The following FYB2 variants were observed in gnomAD, a reference collection of about 807,000 sequenced individuals.
FYB2 encodes the protein FYN-binding protein 2.
Under a neutral mutation model 94.1 loss-of-function variants are expected in FYB2, and 103 were observed. The observed-to-expected ratio is 1.09, with a 90% CI of 0.93 to 1.29. The LOEUF is 1.29. Among genes scored for constraint, FYB2 ranks in the 50% most tolerant of loss-of-function variants. The pLI, the probability that FYB2 is intolerant of heterozygous loss-of-function variation, is 0.00. For missense variants in FYB2, 896 were observed against 841.5 expected (o/e 1.06, Z -0.80); for synonymous variants, 293 against 287.9 (o/e 1.02, Z -0.18).
In FYB2 at chr1:56,761,685, T is replaced by C. The variant is rs74338539; in HGVS notation, c.1064-2935A>G. Among the ~76,000 whole-genome samples, 15 of 152,292 alleles carry C rather than the reference T, an allele frequency of 9.8e-5. No individual in the cohort carries two copies. In the East Asian group the frequency reaches 2.3e-3, roughly 24 times the overall value. Reference sequence around the variant, plus strand: ...AAGGCACCAGTGCTGAGCTAAGCACTAAACAAGGATGGTCTTCCCTGTTTT... The same window carrying C: ...AAGGCACCAGTGCTGAGCTAAGCACCAAACAAGGATGGTCTTCCCTGTTTT... On this transcript the variant is annotated intron_variant, in intron 5 of 19. Transcript: ENST00000343433.
intron 15 of FYB2, among the ~76,000 whole-genome samples, chr1:56,736,190 T>G (rs1214702785): frequency 6.6e-6 from 1 of 152,066 alleles, no homozygotes; most frequent in Non-Finnish European, 1.5e-5. Context: ...AGTTCATATT[T>G]TAAGATATAG....
chr1:56,809,833 T>G (rs1557671273), intron 1 of FYB2, among the ~76,000 whole-genome samples: 1 of 152,220 alleles, frequency 6.6e-6, no homozygotes, highest in African/African-American at 2.4e-5. Context: ...GAATTCTGAC[T>G]CTTTCACCTT....
intron 15 of FYB2, among the ~76,000 whole-genome samples, chr1:56,730,976 A>G (rs1644695209): frequency 6.6e-6 from 1 of 152,122 alleles, no homozygotes; most frequent in Non-Finnish European, 1.5e-5. Context: ...AGAACATATT[A>G]GTGGGATATA....
At chr1:56,773,407 A>T (rs1645805737) in intron 4 of FYB2, among the ~76,000 whole-genome samples, 1 of 152,142 alleles carries the variant, frequency 6.6e-6, no homozygotes, top group African/African-American at 2.4e-5. Context: ...AATAGCTACC[A>T]TTTCTTGAGG....
At chr1:56,786,356 G>C (rs1476552320) in intron 4 of FYB2, among the ~76,000 whole-genome samples, 1 of 152,218 alleles carries the variant, frequency 6.6e-6, no homozygotes, top group Non-Finnish European at 1.5e-5. Context: ...CTCCCAAGAA[G>C]ATGTAACAAC....
chr1:56,763,962 T>A (rs1320266789), intron 5 of FYB2, among the ~76,000 whole-genome samples: 1 of 152,016 alleles, frequency 6.6e-6, no homozygotes, highest in Admixed American at 6.6e-5. Context: ...TATTTTTTTT[T>A]TTTTTTAGAT....
At chr1:56,760,036 G>A (rs1047456458) in intron 5 of FYB2, among the ~76,000 whole-genome samples, 9 of 143,554 alleles carry the variant, frequency 6.3e-5, no homozygotes, top group Non-Finnish European at 1.0e-4. Flanking sequence ...CCGAGATCGC[G>A]CTACTGTATT....
chr1:56,800,546 CTT>C (rs1330097385), intron 1 of FYB2, among the ~76,000 whole-genome samples: 1 of 152,136 alleles, frequency 6.6e-6, no homozygotes, highest in Admixed American at 6.5e-5. Flanking sequence ...CACATGAGTA[CTT>C]TTCACCTCCA....
chr1:56,822,000 G>A (rs76835155), upstream of FYB2, among the ~76,000 whole-genome samples: 4,820 of 152,230 alleles, frequency 0.032, 265 homozygotes, highest in African/African-American at 0.11. Flanking sequence ...CTATATCCAA[G>A]GTGCTTTGGT....
In FYB2 at chr1:56,772,810, C is replaced by T. The variant is rs117530149; in HGVS notation, c.954-4872G>A. Among the ~76,000 whole-genome samples the T allele has an allele frequency of 1.7e-4, 26 of 152,228 alleles. No individual in the cohort carries two copies. The East Asian group carries it at 4.2e-3, about 25-fold the overall frequency. ...TTATGGATATTGAATGAAATATTTG[C>T]CCTCTGCACATAGGCATTCCACAAA... is the stretch of plus-strand genomic sequence containing the variant. On this transcript the variant is annotated intron_variant, in intron 4 of 19. Transcript: ENST00000343433.
chr1:56,729,929 A>G (rs1644667625), intron 15 of FYB2, among the ~76,000 whole-genome samples: 1 of 152,114 alleles, frequency 6.6e-6, no homozygotes, highest in Admixed American at 6.6e-5. Context: ...GCTCCTGAAC[A>G]ACCAATGGGT....
chr1:56,752,556 T>C (rs1266885056), intron 8 of FYB2, among the ~76,000 whole-genome samples: 2 of 152,056 alleles, frequency 1.3e-5, no homozygotes, highest in Non-Finnish European at 2.9e-5. Flanking sequence ...GGCATTCTTT[T>C]AGGTCATAGT....
chr1:56,766,225 GTA>G (rs1645619729), intron 5 of FYB2, among the ~76,000 whole-genome samples: 1 of 152,138 alleles, frequency 6.6e-6, no homozygotes, highest in South Asian at 2.1e-4. Flanking sequence ...TGCATGACTT[GTA>G]TGAACGCTAG....
At chr1:56,776,679 G>A (rs992255659) in intron 4 of FYB2, among the ~76,000 whole-genome samples, 5 of 152,016 alleles carry the variant, frequency 3.3e-5, no homozygotes, top group South Asian at 2.1e-4. Context: ...TTTATTTTAC[G>A]GAGAGGGAAG....
At chr1:56,728,436 C>T (rs1281165162) in intron 15 of FYB2, among the ~76,000 whole-genome samples, 1 of 152,088 alleles carries the variant, frequency 6.6e-6, no homozygotes, top group Admixed American at 6.6e-5. Flanking sequence ...ATGAAAGCCA[C>T]AGTCCCTACC....
intron 15 of FYB2, among the ~76,000 whole-genome samples, chr1:56,729,985 T>C (rs527525413): frequency 1.5e-4 from 23 of 151,770 alleles, no homozygotes; most frequent in Non-Finnish European, 2.7e-4. Context: ...TTGAAACAAA[T>C]GAAAATAGAA....
intron 1 of FYB2, among the ~76,000 whole-genome samples, chr1:56,799,916 G>A (rs374480453): frequency 3.7e-4 from 57 of 152,178 alleles, no homozygotes; most frequent in African/African-American, 1.1e-3. Flanking sequence ...GAGTGAATGC[G>A]GTCATAAAAA....
At chr1:56,800,796 T>A (rs1258645688) in intron 1 of FYB2, among the ~76,000 whole-genome samples, 1 of 152,154 alleles carries the variant, frequency 6.6e-6, no homozygotes, top group Non-Finnish European at 1.5e-5. Context: ...TGACACTGCC[T>A]ACTGCAGACA....
intron 9 of FYB2, among the ~76,000 whole-genome samples, chr1:56,746,400 T>C (rs1006558433): frequency 3.9e-5 from 6 of 152,138 alleles, no homozygotes; most frequent in Admixed American, 1.3e-4. Flanking sequence ...TTCATCTGAC[T>C]AAAGTTTCTT....
Sources: gnomAD v4.1 joint callset for allele counts (sites outside exome capture counted in the v4.1 genomes callset) on GRCh38, gnomAD v4.1.1 for gene constraint, MANE v1.5 for transcripts, NCBI Gene and HGNC (gene_info 2026-07-23, HGNC 2026-07-21) for gene names.